CERS3: variants seen among roughly 807,000 people sequenced by gnomAD.
CERS3 encodes the protein ceramide synthase 3, also known as LAG1 homolog, ceramide synthase 3.
Under a neutral mutation model 50.3 loss-of-function variants are expected in CERS3, and 33 were observed. That is an observed-to-expected ratio of 0.66 (90% CI 0.50 to 0.88). The LOEUF (loss-of-function observed/expected upper bound fraction) is 0.88. Among genes scored for constraint, CERS3 ranks in the 40% least tolerant of loss-of-function variants. The probability of loss-of-function intolerance (pLI) is 0.00; values close to 1 mark genes in which losing one functional copy is unlikely to be tolerated. For synonymous variants in CERS3, 176 were observed against 155.2 expected (o/e 1.13, Z -0.99); for missense variants, 470 against 460.3 (o/e 1.02, Z -0.19).
intron 11 of CERS3, among the ~76,000 whole-genome samples, chr15:100,434,904 T>C (rs1301157654): frequency 6.6e-6 from 1 of 150,452 alleles, no homozygotes; most frequent in Non-Finnish European, 1.5e-5. Context: ...GGAAACGACG[T>C]TTAAAAATAA....
chr15:100,406,701 G>A (rs2031054744), intron 11 of CERS3, among the ~76,000 whole-genome samples: 1 of 152,192 alleles, frequency 6.6e-6, no homozygotes, highest in Admixed American at 6.5e-5. Context: ...AGCCTTTCAG[G>A]AAAGGGCCAT....
At chr15:100,517,833 G>C (rs1441678213) in intron 2 of CERS3, among the ~76,000 whole-genome samples, 2 of 152,130 alleles carry the variant, frequency 1.3e-5, no homozygotes, top group Non-Finnish European at 2.9e-5. Flanking sequence ...GAGAGGCAGG[G>C]AAATGGTGCA....
At chr15:100,405,769 CAT>C (rs1299129821) in intron 11 of CERS3, among the ~76,000 whole-genome samples, 4 of 152,138 alleles carry the variant, frequency 2.6e-5, no homozygotes, top group Admixed American at 1.3e-4. Flanking sequence ...AATATACACA[CAT>C]GTTAAAATTC....
In CERS3 at chr15:100,441,100, G is replaced by A. The variant is rs530157188; in HGVS notation, c.999+14793C>T. On this transcript the variant is annotated intron_variant, in intron 11 of 11. Coordinates refer to ENST00000679737, the MANE Select transcript of CERS3 (RefSeq NM_001378789.1). ...TTTCTGGGGGAGGGGCAGGAACCCCGACCTCTTATCTCTGCGCCCTGATCC... is the reference window on the plus strand; with the variant it reads ...TTTCTGGGGGAGGGGCAGGAACCCCAACCTCTTATCTCTGCGCCCTGATCC... 8.5e-5 allele frequency among the ~76,000 whole-genome samples: 13 copies of A among 152,144 alleles called. No homozygotes were observed. The East Asian group carries it at 1.7e-3, about 20-fold the overall frequency.
chr15:100,464,509 C>T lies in CERS3; in HGVS notation c.845+4869G>A, dbSNP rs181239882. On this transcript the variant is annotated intron_variant, in intron 10 of 11. Transcript: ENST00000679737. ...CAAAACCAGCAAAACAGGGCACACA[C>T]ACCTTCCCTTCAGGTGGACCTACCT... 1.1e-3 allele frequency among the ~76,000 whole-genome samples: 160 copies of T among 152,308 alleles called. 1 individual carries two copies. Among genetic ancestry groups the T allele is most frequent in the African/African-American group, 3.6e-3 (149 of 41,566 alleles).
At chr15:100,427,267 A>C (rs1439561425) in intron 11 of CERS3, among the ~76,000 whole-genome samples, 1 of 152,150 alleles carries the variant, frequency 6.6e-6, no homozygotes, top group Admixed American at 6.6e-5. Context: ...GAGGAGCGAA[A>C]GTGCTATTGT....
chr15:100,503,318 C>T (rs2036066954), intron 2 of CERS3, among the ~76,000 whole-genome samples: 1 of 152,124 alleles, frequency 6.6e-6, no homozygotes, highest in Non-Finnish European at 1.5e-5. Flanking sequence ...CAGTGGATTG[C>T]CCTGGCATAA....
At chr15:100,403,953 T>C (rs2030771138) in intron 11 of CERS3, among the ~76,000 whole-genome samples, 1 of 152,170 alleles carries the variant, frequency 6.6e-6, no homozygotes. Flanking sequence ...GAGATGAGAA[T>C]AGTATCCTAG....
chr15:100,475,348 A>G lies in CERS3; in HGVS notation c.609+738T>C, dbSNP rs573006657. On this transcript the variant is annotated intron_variant, in intron 8 of 11. Transcript: ENST00000679737. ...ATCAAGCTAAACTGGTTTATCTAAT[A>G]TTAAATGTCATTGTATTTACCATAC... Among the ~76,000 whole-genome samples the G allele has an allele frequency of 2.6e-5, 4 of 152,366 alleles. No homozygotes were observed. The East Asian group carries it at 7.7e-4, about 29-fold the overall frequency.
chr15:100,537,781 C>T (rs1232818600), intron 1 of CERS3, among the ~76,000 whole-genome samples: 1 of 152,166 alleles, frequency 6.6e-6, no homozygotes, highest in Non-Finnish European at 1.5e-5. Context: ...TCTCATGTCC[C>T]TTTCACATTT....
chr15:100,461,747 C>T (rs1567634640), intron 10 of CERS3, among the ~76,000 whole-genome samples: 1 of 152,052 alleles, frequency 6.6e-6, no homozygotes, highest in Non-Finnish European at 1.5e-5. Context: ...AGGAGGAGTC[C>T]ACTTTGGAGA....
At chr15:100,418,541 G>A (rs1181972033) in intron 11 of CERS3, among the ~76,000 whole-genome samples, 1 of 146,732 alleles carries the variant, frequency 6.8e-6, no homozygotes, top group East Asian at 2.0e-4. Flanking sequence ...CCCCAATCTA[G>A]CAAGGCAGGC....
chr15:100,521,176 A>C (rs1201356125), intron 2 of CERS3, among the ~76,000 whole-genome samples: 7 of 152,200 alleles, frequency 4.6e-5, no homozygotes, highest in African/African-American at 1.7e-4. Flanking sequence ...GCCTTTCATC[A>C]AGTCAATATT....
intron 10 of CERS3, among the ~76,000 whole-genome samples, chr15:100,467,300 T>G (rs1436317019): frequency 2.4e-3 from 1 of 424 alleles, no homozygotes; most frequent in Non-Finnish European, 0.17. Context: ...CCATGAGAAA[T>G]AATAATAATA....
At chr15:100,474,222 A>G (rs774696510) in intron 8 of CERS3, among the ~76,000 whole-genome samples, 1 of 152,192 alleles carries the variant, frequency 6.6e-6, no homozygotes, top group South Asian at 2.1e-4. Flanking sequence ...ATGATTGCAC[A>G]ACTCTGAATA....
At chr15:100,502,267 A>AAAAAAAAAAAAAAAGAAAG (rs2036033219) in intron 2 of CERS3, among the ~76,000 whole-genome samples, 2 of 109,260 alleles carry the variant, frequency 1.8e-5, no homozygotes, top group African/African-American at 3.2e-5. Flanking sequence ...AAAAAAAAAA[A>AAAAAAAAAAAAAAAGAAAG]AAAGAAAGAA....
intron 3 of CERS3, among the ~76,000 whole-genome samples, chr15:100,493,367 C>T (rs540221989): frequency 4.6e-5 from 7 of 152,152 alleles, no homozygotes; most frequent in East Asian, 1.9e-4. Flanking sequence ...TGTGTCATTC[C>T]GCCGCCTTTG....
At position 100,400,992 on chromosome 15, in the gene CERS3, T is replaced by C. The variant is rs1192486018; in HGVS notation, c.*1721A>G. On this transcript the variant is annotated 3_prime_UTR_variant, in exon 12 of 12. Coordinates refer to ENST00000679737, the MANE Select transcript of CERS3 (RefSeq NM_001378789.1). ...AATTTCTCAGAAAGAGATATTGTTG[T>C]GGAAAGAATTCTAAAGGATTTTTTG... 1 of 152,318 alleles carries C rather than the reference T, an allele frequency of 6.6e-6. No individual in the cohort carries two copies. Among genetic ancestry groups the C allele is most frequent in the East Asian group, 1.9e-4 (1 of 5,182 alleles). 9.4% of individuals were successfully genotyped at this position (152,318 alleles called of 1,614,324 possible). A position where few individuals can be genotyped will look rare whatever the true frequency, so the allele number is the denominator to read the frequency against.
chr15:100,474,670 T>A (rs1035757496), intron 8 of CERS3, among the ~76,000 whole-genome samples: 8 of 152,276 alleles, frequency 5.3e-5, no homozygotes, highest in Admixed American at 5.2e-4. Context: ...CCCAAAGTGC[T>A]GGGATCACAG....
Sources: allele counts gnomAD v4.1 joint callset (sites outside exome capture counted in the v4.1 genomes callset), GRCh38; gene constraint gnomAD v4.1.1; transcripts MANE v1.5; gene names NCBI Gene and HGNC (gene_info 2026-07-23, HGNC 2026-07-21).